Variants in TRPM3 observed in about 807,000 individuals in gnomAD.
The protein encoded by TRPM3 is transient receptor potential cation channel subfamily M member 3.
Under a neutral mutation model 181.2 loss-of-function variants are expected in TRPM3, and 77 were observed. The observed-to-expected ratio is 0.42, with a 90% CI of 0.35 to 0.51. The LOEUF (loss-of-function observed/expected upper bound fraction) is 0.51. Among genes scored for constraint, TRPM3 ranks in the 20% least tolerant of loss-of-function variants. The probability of loss-of-function intolerance (pLI) is 0.01; values close to 1 mark genes in which losing one functional copy is unlikely to be tolerated. For missense variants in TRPM3, 1,759 were observed against 2,196.7 expected, an observed-to-expected ratio of 0.80 and a Z score of 3.98; for synonymous variants, 745 against 796.4, an observed-to-expected ratio of 0.94 and a Z score of 1.09.
intron 1 of TRPM3, among the ~76,000 whole-genome samples, chr9:71,381,346 T>C (rs2092795484): frequency 6.6e-6 from 1 of 152,032 alleles, no homozygotes. Context: ...TGGAAGACAG[T>C]AGGTGGGTAT....
At chr9:70,835,447 A>T (rs1170409921) in intron 5 of TRPM3, among the ~76,000 whole-genome samples, 2 of 151,822 alleles carry the variant, frequency 1.3e-5, no homozygotes, top group Admixed American at 6.6e-5. Flanking sequence ...TAGTTTCATA[A>T]CCTCTAGTCC....
chr9:71,072,303 T>C (rs913119662), intron 1 of TRPM3, among the ~76,000 whole-genome samples: 2 of 152,178 alleles, frequency 1.3e-5, no homozygotes, highest in African/African-American at 2.4e-5. Context: ...TAAGTTAAGA[T>C]AGTTAAACCT....
At chr9:71,400,837 A>T (rs528496771) in intron 1 of TRPM3, among the ~76,000 whole-genome samples, 1 of 152,006 alleles carries the variant, frequency 6.6e-6, no homozygotes, top group Admixed American at 6.5e-5. Flanking sequence ...CAGAAAAAAC[A>T]ACTTTATAAA....
chr9:71,436,288 T>A (rs976527860), intron 1 of TRPM3, among the ~76,000 whole-genome samples: 3 of 77,124 alleles, frequency 3.9e-5, no homozygotes, highest in South Asian at 1.4e-3. Flanking sequence ...CCTCTCTTTT[T>A]TTTTTCTTTC....
intron 22 of TRPM3, among the ~76,000 whole-genome samples, chr9:70,564,718 G>A (rs2050099434): frequency 6.6e-6 from 1 of 152,090 alleles, no homozygotes; most frequent in Non-Finnish European, 1.5e-5. Flanking sequence ...GGGGACATGA[G>A]GCTACACCAC....
intron 11 of TRPM3, 67 bp downstream of exon 11, chr9:70,638,993 G>A (rs1253403825): frequency 1.3e-6 from 2 of 1,547,460 alleles, no homozygotes; most frequent in Non-Finnish European, 8.8e-7. Context: ...ACAGGCATAT[G>A]GGGGGCAGGA....
intron 1 of TRPM3, among the ~76,000 whole-genome samples, chr9:70,962,781 G>A (rs2097149412): frequency 1.3e-5 from 2 of 151,968 alleles, no homozygotes; most frequent in African/African-American, 4.8e-5. Context: ...TTACTGTATG[G>A]TACCTTGCGT....
At chr9:71,413,068 G>C (rs916286668) in intron 1 of TRPM3, among the ~76,000 whole-genome samples, 3 of 152,002 alleles carry the variant, frequency 2.0e-5, no homozygotes, top group African/African-American at 7.2e-5. Flanking sequence ...TGGACACAGG[G>C]TGGGGAACAT....
rs983200435 is a variant in TRPM3, at chr9:71,362,114, T to C, written c.183+84539A>G. 3.3e-5 allele frequency among the ~76,000 whole-genome samples: 5 copies of C among 152,170 alleles called. 1 individual carries two copies. The highest frequency in any genetic ancestry group is 3.3e-4 in the Admixed American group (5 of 15,276). ...AATACTCCCTTTACCACACTAATCATGCCCACAGATAAGGCCCCTGAAGGC... is the reference window on the plus strand; with the variant it reads ...AATACTCCCTTTACCACACTAATCACGCCCACAGATAAGGCCCCTGAAGGC... On this transcript the variant is annotated intron_variant, in intron 1 of 24. Transcript: ENST00000357533.
At chr9:71,044,315 C>T (rs2059174039) in intron 1 of TRPM3, among the ~76,000 whole-genome samples, 1 of 152,150 alleles carries the variant, frequency 6.6e-6, no homozygotes, top group East Asian at 1.9e-4. Flanking sequence ...TAAGCAGCTG[C>T]TCCCATTTCT....
chr9:71,056,362 C>G (rs1488884079), intron 1 of TRPM3, among the ~76,000 whole-genome samples: 2 of 151,990 alleles, frequency 1.3e-5, no homozygotes, highest in African/African-American at 4.8e-5. Flanking sequence ...TGATTTAACT[C>G]TGATCCTTAG....
intron 6 of TRPM3, among the ~76,000 whole-genome samples, chr9:70,800,727 G>A (rs1347658056): frequency 6.6e-6 from 1 of 152,000 alleles, no homozygotes; most frequent in African/African-American, 2.4e-5. Flanking sequence ...TAAGAATACA[G>A]TATATAATAT....
intron 11 of TRPM3, among the ~76,000 whole-genome samples, chr9:70,637,699 G>A (rs990313137): frequency 6.6e-6 from 1 of 152,006 alleles, no homozygotes; most frequent in Non-Finnish European, 1.5e-5. Context: ...ACTACTGGCT[G>A]GGGACAGGAA....
chr9:71,096,624 T>TCTCTCTCTCTCC (rs1397956274), intron 1 of TRPM3, among the ~76,000 whole-genome samples: 6 of 142,318 alleles, frequency 4.2e-5, no homozygotes, highest in African/African-American at 1.6e-4. Flanking sequence ...TCTCTCTCTC[T>TCTCTCTCTCTCC]CCCCCTCTCC....
chr9:71,020,339 G>T, intron 1 of TRPM3, among the ~76,000 whole-genome samples: 1 of 151,884 alleles, frequency 6.6e-6, no homozygotes, highest in South Asian at 2.1e-4. Flanking sequence ...AATTAACCAT[G>T]CATGGTGGTG....
intron 1 of TRPM3, among the ~76,000 whole-genome samples, chr9:70,946,071 T>C (rs1032265663): frequency 5.9e-5 from 9 of 152,168 alleles, no homozygotes; most frequent in Admixed American, 2.0e-4. Context: ...TGATCAAATA[T>C]ATCTTCTGAT....
chr9:71,015,060 C>T (rs1244618927), intron 1 of TRPM3, among the ~76,000 whole-genome samples: 3 of 152,032 alleles, frequency 2.0e-5, no homozygotes, highest in Admixed American at 1.3e-4. Context: ...AAAAGTAATG[C>T]TATAAGTATT....
chr9:71,280,923 C>T (rs895961268), intron 1 of TRPM3, among the ~76,000 whole-genome samples: 7 of 152,152 alleles, frequency 4.6e-5, no homozygotes, highest in Admixed American at 1.3e-4. Context: ...CTATTTGCTT[C>T]CATTATAGCA....
At chr9:70,962,605 T>C (rs1272321745) in intron 1 of TRPM3, among the ~76,000 whole-genome samples, 1 of 152,186 alleles carries the variant, frequency 6.6e-6, no homozygotes, top group African/African-American at 2.4e-5. Flanking sequence ...CCTGAAATCA[T>C]GGATAGTACC....
Sources: allele counts gnomAD v4.1 joint callset (sites outside exome capture counted in the v4.1 genomes callset), GRCh38; gene constraint gnomAD v4.1.1; transcripts MANE v1.5; gene names NCBI Gene and HGNC (gene_info 2026-07-23, HGNC 2026-07-21).